Variants in TSNARE1 observed in about 807,000 individuals in gnomAD.
TSNARE1 encodes the protein t-SNARE domain containing 1.
A neutral mutation model predicts 62.0 loss-of-function variants in TSNARE1; 49 were observed. The observed-to-expected ratio is 0.79, with a 90% confidence interval of 0.63 to 1.00. The LOEUF is 1.00. TSNARE1 is among the 50% of genes least tolerant of loss of function. The probability of loss-of-function intolerance (pLI) is 0.00; values close to 1 mark genes in which losing one functional copy is unlikely to be tolerated. For synonymous variants in TSNARE1, 328 were observed against 294.4 expected, an observed-to-expected ratio of 1.11 and a Z score of -1.17; for missense variants, 755 against 700.1, an observed-to-expected ratio of 1.08 and a Z score of -0.88.
rs376758279 is a variant in TSNARE1, at chr8:142,313,414, CTG to C, written c.1131+968_1131+969del. 4.7e-4 allele frequency among the ~76,000 whole-genome samples: 70 copies of C among 147,756 alleles called. 4 individuals are homozygous for C. Among genetic ancestry groups the C allele is most frequent in the African/African-American group, 1.6e-3 (65 of 39,664 alleles). On this transcript the variant is annotated intron_variant, in intron 9 of 13. Coordinates refer to ENST00000524325, the MANE Select transcript of TSNARE1 (RefSeq NM_145003.5). ...TGTCTGCGTGTCTGTGTTTATGTGT[CTG>C]TGTGTTTATCTGCATGTTGTCTACA...
intron 10 of TSNARE1, 181 bp downstream of exon 10, chr8:142,300,305 C>T: frequency 1.5e-6 from 1 of 646,274 alleles, no homozygotes; most frequent in Non-Finnish European, 2.5e-6. Context: ...TCCCGTCTCT[C>T]CCTTATTGGA....
upstream of TSNARE1, chr8:142,406,452 C>G (rs992414110): frequency 2.0e-5 from 3 of 152,302 alleles, no homozygotes; most frequent in Admixed American, 6.5e-5. Context: ...CTGGAACACA[C>G]AGTGCCCCAC....
At chr8:142,275,298 C>T (rs1052534608) in intron 11 of TSNARE1, 105 of 985,326 alleles carry the variant, frequency 1.1e-4, no homozygotes, top group Non-Finnish European at 1.1e-4. Flanking sequence ...TGATGGAGAC[C>T]GGGTCTGCAA....
intron 1 of TSNARE1, among the ~76,000 whole-genome samples, chr8:142,358,004 CA>C (rs1357584845): frequency 7.1e-6 from 1 of 140,854 alleles, no homozygotes; most frequent in African/African-American, 3.0e-5. Flanking sequence ...GCCATCACTG[CA>C]AAGGGCGGCG....
intron 12 of TSNARE1, among the ~76,000 whole-genome samples, chr8:142,244,818 G>C (rs997839403): frequency 6.6e-6 from 1 of 152,218 alleles, no homozygotes; most frequent in Admixed American, 6.5e-5. Context: ...CCTGCCACTC[G>C]CAGGGGAGCA....
intron 6 of TSNARE1, chr8:142,326,271 C>CA (rs1830234770): frequency 1.9e-5 from 3 of 153,976 alleles, no homozygotes; most frequent in Admixed American, 7.2e-5. Context: ...GGGAGGGCCC[C>CA]GGAGACCACG....
At chr8:142,247,031 C>G (rs76349217) in intron 12 of TSNARE1, among the ~76,000 whole-genome samples, 11 of 152,208 alleles carry the variant, frequency 7.2e-5, no homozygotes, top group Admixed American at 2.0e-4. Flanking sequence ...TATGGCCAGA[C>G]GATGTCCTGT....
At chr8:142,296,648 G>A (rs1382649518) in intron 10 of TSNARE1, among the ~76,000 whole-genome samples, 5 of 152,098 alleles carry the variant, frequency 3.3e-5, no homozygotes. Context: ...GACTCCCCGT[G>A]GGAGGCGGAC....
chr8:142,264,103 T>C (rs540501481), intron 12 of TSNARE1, among the ~76,000 whole-genome samples: 1 of 152,358 alleles, frequency 6.6e-6, no homozygotes, highest in South Asian at 2.1e-4. Context: ...AATTTTGATA[T>C]GCAGTATTTT....
chr8:142,283,354 G>A (rs1316879188), intron 11 of TSNARE1, among the ~76,000 whole-genome samples: 2 of 151,622 alleles, frequency 1.3e-5, no homozygotes, highest in African/African-American at 4.8e-5. Context: ...GTCTGTCAAT[G>A]AGCGGAGGTG....
At chr8:142,231,940 G>A (rs1312427202) in intron 12 of TSNARE1, among the ~76,000 whole-genome samples, 1 of 152,232 alleles carries the variant, frequency 6.6e-6, no homozygotes. Flanking sequence ...TCCTGTGCCA[G>A]CCCTACTCCC....
At chr8:142,397,188 C>T (rs1837953070) in intron 1 of TSNARE1, among the ~76,000 whole-genome samples, 1 of 148,332 alleles carries the variant, frequency 6.7e-6, no homozygotes, top group Non-Finnish European at 1.5e-5. Flanking sequence ...GCTCCGCCTG[C>T]CCTGGGGCTG....
intron 4 of TSNARE1, among the ~76,000 whole-genome samples, 169 bp downstream of exon 4, chr8:142,343,797 G>GGGAGGAGGAGGAGGAGGGGGA (rs1832944932): frequency 1.2e-5 from 1 of 80,832 alleles, no homozygotes; most frequent in African/African-American, 1.1e-4. Flanking sequence ...GAGGAGGAGG[G>GGGAGGAGGAGGAGGAGGGGGA]GGAGGAGGAG....
chr8:142,385,450 G>A (rs1433044064), intron 1 of TSNARE1, among the ~76,000 whole-genome samples: 2 of 152,324 alleles, frequency 1.3e-5, no homozygotes, highest in African/African-American at 4.8e-5. Context: ...ATATTTACCA[G>A]TAGATTTAAG....
At chr8:142,271,576 G>C in intron 12 of TSNARE1, 21 of 1,415,056 alleles carry the variant, frequency 1.5e-5, no homozygotes, top group Non-Finnish European at 1.9e-5. Flanking sequence ...AGGGTGAGGA[G>C]GTGGGTGCGT....
At chr8:142,233,187 C>T (rs1817211621) in intron 12 of TSNARE1, among the ~76,000 whole-genome samples, 1 of 152,208 alleles carries the variant, frequency 6.6e-6, no homozygotes, top group Non-Finnish European at 1.5e-5. Flanking sequence ...CTTAACGAGG[C>T]GAGATGAATT....
chr8:142,236,074 G>C (rs924375310), intron 12 of TSNARE1, among the ~76,000 whole-genome samples: 34 of 152,352 alleles, frequency 2.2e-4, no homozygotes, highest in African/African-American at 7.7e-4. Context: ...TCCAGCCACA[G>C]CCTCACCGCG....
At position 142,331,813 on chromosome 8, in the gene TSNARE1, C is replaced by T. The variant is rs757827583; in HGVS notation, c.764G>A (p.Cys255Tyr). 3 of 1,608,512 alleles carry T rather than the reference C, an allele frequency of 1.9e-6. No individual in the cohort carries two copies. The highest frequency in any genetic ancestry group is 2.5e-6 in the Non-Finnish European group (3 of 1,177,604). ...EPPRATQVDP[C>Y]NLQELFQEMS... is the part of the protein sequence containing the mutation. ...CTCCTGGAACAGCTCCTGGAGGTTG[C>T]ACGGATCGACCTGGGTGGCTGGGAG... The change falls in exon 5 of 14, where the codon TGC (cysteine) becomes TAC (tyrosine). Residue 255 changes from cysteine (C) to tyrosine (Y), a missense_variant. Transcript: ENST00000524325.
chr8:142,242,720 G>A (rs1041738047), intron 12 of TSNARE1, among the ~76,000 whole-genome samples: 8 of 152,112 alleles, frequency 5.3e-5, no homozygotes, highest in African/African-American at 1.9e-4. Flanking sequence ...CCAGCACTTC[G>A]GGAGGCCAAG....
Sources: gnomAD v4.1 joint callset for allele counts (sites outside exome capture counted in the v4.1 genomes callset) on GRCh38, gnomAD v4.1.1 for gene constraint, MANE v1.5 for transcripts, NCBI Gene and HGNC (gene_info 2026-07-23, HGNC 2026-07-21) for gene names.